Variants in GALNTL6 observed in about 807,000 individuals in gnomAD.
GALNTL6 encodes the protein polypeptide N-acetylgalactosaminyltransferase like 6.
A neutral mutation model predicts 73.7 loss-of-function variants in GALNTL6; 46 were observed. The ratio of observed to expected loss-of-function variants is 0.62; its 90% CI spans 0.49 to 0.80. The LOEUF (loss-of-function observed/expected upper bound fraction) is 0.80. Ranked by LOEUF, GALNTL6 falls within the 30% of genes least tolerant of loss-of-function variation. The probability of loss-of-function intolerance (pLI) is 0.00; values close to 1 mark genes in which losing one functional copy is unlikely to be tolerated. For missense variants in GALNTL6, 604 were observed against 755.0 expected, an observed-to-expected ratio of 0.80 and a Z score of 2.34; for synonymous variants, 259 against 263.7, an observed-to-expected ratio of 0.98 and a Z score of 0.17.
intron 5 of GALNTL6, among the ~76,000 whole-genome samples, chr4:172,547,501 T>C (rs1735816481): frequency 6.6e-6 from 1 of 152,160 alleles, no homozygotes; most frequent in South Asian, 2.1e-4. Context: ...ATTTTAATTA[T>C]GAAGTCGACC....
intron 5 of GALNTL6, among the ~76,000 whole-genome samples, chr4:172,630,425 C>T (rs755100092): frequency 3.9e-5 from 6 of 151,966 alleles, no homozygotes; most frequent in Admixed American, 1.3e-4. Flanking sequence ...TACTAGAAAT[C>T]GTAATTATCT....
At chr4:172,532,988 G>A (rs1318620680) in intron 5 of GALNTL6, among the ~76,000 whole-genome samples, 1 of 151,070 alleles carries the variant, frequency 6.6e-6, no homozygotes, top group Non-Finnish European at 1.5e-5. Flanking sequence ...GAATATCACT[G>A]TTTAAAAACA....
At position 172,311,766 on chromosome 4, in the gene GALNTL6, T is replaced by C; in HGVS notation, c.386+14T>C. 1 of 1,541,954 alleles carries C rather than the reference T, an allele frequency of 6.5e-7. No homozygotes were observed. On this transcript the variant is annotated intron_variant, in intron 4 of 12. Transcript: ENST00000506823. ...TCGTCATGCTAAGTGAGTATCAGCA[T>C]ATCAGTGATCAGGGTGGGTTTTTTT...
intron 2 of GALNTL6, among the ~76,000 whole-genome samples, chr4:172,166,102 T>C (rs567107824): frequency 6.6e-6 from 1 of 152,220 alleles, no homozygotes. Flanking sequence ...GTGTTCGTAA[T>C]ATGGCTTGAG....
At chr4:171,961,179 G>A (rs1739208911) in intron 2 of GALNTL6, among the ~76,000 whole-genome samples, 3 of 152,054 alleles carry the variant, frequency 2.0e-5, no homozygotes, top group South Asian at 4.1e-4. Flanking sequence ...ATTTTACCAG[G>A]GAATTGACTG....
At chr4:172,065,457 C>A (rs1226926031) in intron 2 of GALNTL6, among the ~76,000 whole-genome samples, 2 of 152,044 alleles carry the variant, frequency 1.3e-5, no homozygotes, top group Admixed American at 6.6e-5. Flanking sequence ...TTACTCCAAC[C>A]TGAAAAATAT....
chr4:171,833,257 T>C (rs1000534185), intron 2 of GALNTL6, among the ~76,000 whole-genome samples: 3 of 151,542 alleles, frequency 2.0e-5, no homozygotes, highest in Non-Finnish European at 4.4e-5. Context: ...TGGTGTTTAA[T>C]ATTTTTTATG....
intron 5 of GALNTL6, among the ~76,000 whole-genome samples, chr4:172,595,380 C>T (rs945249280): frequency 6.6e-6 from 1 of 152,146 alleles, no homozygotes; most frequent in Non-Finnish European, 1.5e-5. Context: ...TCTTCTAACT[C>T]CAATCTCTGG....
At chr4:172,772,942 A>G (rs1738861255) in intron 5 of GALNTL6, among the ~76,000 whole-genome samples, 1 of 152,202 alleles carries the variant, frequency 6.6e-6, no homozygotes. Context: ...GACAATGGAA[A>G]CAGAGATTGG....
At chr4:172,735,549 T>C (rs1424534556) in intron 5 of GALNTL6, among the ~76,000 whole-genome samples, 3 of 152,156 alleles carry the variant, frequency 2.0e-5, no homozygotes, top group Non-Finnish European at 2.9e-5. Flanking sequence ...GCTTTTGAGT[T>C]AACGCTAAAA....
chr4:172,417,049 CATT>C (rs1158990071), intron 5 of GALNTL6, among the ~76,000 whole-genome samples: 3 of 151,952 alleles, frequency 2.0e-5, no homozygotes, highest in South Asian at 4.1e-4. Flanking sequence ...AATAGGAAAA[CATT>C]ATATAAATCC....
intron 5 of GALNTL6, among the ~76,000 whole-genome samples, chr4:172,453,865 C>G (rs1157558825): frequency 6.6e-6 from 1 of 152,162 alleles, no homozygotes; most frequent in African/African-American, 2.4e-5. Flanking sequence ...TAAATGACAG[C>G]AAGAAACATG....
intron 5 of GALNTL6, among the ~76,000 whole-genome samples, chr4:172,605,363 T>C (rs920051863): frequency 6.6e-6 from 1 of 152,284 alleles, no homozygotes; most frequent in Non-Finnish European, 1.5e-5. Flanking sequence ...GTGATAATCA[T>C]TTTGGGTTCA....
chr4:172,199,954 T>C (rs182595235), intron 2 of GALNTL6, among the ~76,000 whole-genome samples: 1 of 152,312 alleles, frequency 6.6e-6, no homozygotes, highest in Non-Finnish European at 1.5e-5. Context: ...TGGAGGAATC[T>C]AAGAGCCCTT....
chr4:172,606,618 A>AT (rs1738290791), intron 5 of GALNTL6, among the ~76,000 whole-genome samples: 6 of 27,256 alleles, frequency 2.2e-4, no homozygotes, highest in Admixed American at 1.3e-3. Context: ...ATACATATAT[A>AT]GTATATATAT....
chr4:171,865,839 T>C (rs1735956572), intron 2 of GALNTL6, among the ~76,000 whole-genome samples: 1 of 152,228 alleles, frequency 6.6e-6, no homozygotes, highest in Admixed American at 6.5e-5. Context: ...GATTGTTTTC[T>C]GTCAAATAAA....
At chr4:171,837,404 T>G (rs1735120532) in intron 2 of GALNTL6, among the ~76,000 whole-genome samples, 1 of 151,818 alleles carries the variant, frequency 6.6e-6, no homozygotes, top group East Asian at 1.9e-4. Flanking sequence ...TGAAACGTGG[T>G]GGGATCTGAG....
At chr4:172,456,337 G>A (rs1732398447) in intron 5 of GALNTL6, among the ~76,000 whole-genome samples, 1 of 151,926 alleles carries the variant, frequency 6.6e-6, no homozygotes, top group South Asian at 2.1e-4. Flanking sequence ...AAACAAAACT[G>A]GACAGAGAAT....
intron 2 of GALNTL6, among the ~76,000 whole-genome samples, chr4:171,895,472 G>A (rs757578203): frequency 4.6e-5 from 7 of 152,162 alleles, no homozygotes; most frequent in Non-Finnish European, 7.3e-5. Context: ...CCTCTGAGTC[G>A]TGTATGCATA....
Sources: gnomAD v4.1 joint callset for allele counts (sites outside exome capture counted in the v4.1 genomes callset) on GRCh38, gnomAD v4.1.1 for gene constraint, MANE v1.5 for transcripts, NCBI Gene and HGNC (gene_info 2026-07-23, HGNC 2026-07-21) for gene names.